DIS3L2: variants seen among roughly 807,000 people sequenced by gnomAD.
DIS3L2 encodes DIS3-like exonuclease 2.
A neutral mutation model predicts 97.5 loss-of-function variants in DIS3L2; 34 were observed. That is an observed-to-expected ratio of 0.35 (90% CI 0.27 to 0.46). DIS3L2 has a LOEUF of 0.46. Ranked by LOEUF, DIS3L2 falls within the 20% of genes least tolerant of loss-of-function variation. The pLI, the probability that DIS3L2 is intolerant of heterozygous loss-of-function variation, is 1.00. For synonymous variants in DIS3L2, 435 were observed against 445.2 expected, an observed-to-expected ratio of 0.98 and a Z score of 0.29; for missense variants, 1,038 against 1,146.0, an observed-to-expected ratio of 0.91 and a Z score of 1.36.
At chr2:232,171,071 A>G (rs115458603) in intron 9 of DIS3L2, among the ~76,000 whole-genome samples, 1,681 of 152,328 alleles carry the variant, frequency 0.011, 36 homozygotes, top group African/African-American at 0.037. Context: ...GCTGGAAGTT[A>G]GTCCTAGTTC....
chr2:232,153,787 G>T (rs1385366330), intron 8 of DIS3L2, among the ~76,000 whole-genome samples: 1 of 151,798 alleles, frequency 6.6e-6, no homozygotes, highest in Non-Finnish European at 1.5e-5. Flanking sequence ...ATAATATCCT[G>T]CAGAGTGTTT....
intron 10 of DIS3L2, among the ~76,000 whole-genome samples, chr2:232,230,099 G>T (rs1304123612): frequency 9.9e-5 from 15 of 152,114 alleles, no homozygotes; most frequent in African/African-American, 3.4e-4. Flanking sequence ...TGCTATACTG[G>T]TGGTCAGCTT....
At chr2:232,096,796 A>C (rs528193648) in intron 6 of DIS3L2, among the ~76,000 whole-genome samples, 1 of 152,146 alleles carries the variant, frequency 6.6e-6, no homozygotes, top group African/African-American at 2.4e-5. Flanking sequence ...TCTCTTTGGT[A>C]ATTTATCTGA....
intron 1 of DIS3L2, among the ~76,000 whole-genome samples, chr2:231,973,782 A>C (rs1363162369): frequency 6.6e-6 from 1 of 152,230 alleles, no homozygotes; most frequent in Non-Finnish European, 1.5e-5. Context: ...TCACTGCAGC[A>C]TAGAGTTTAG....
Position 232,269,584 on chromosome 2 carries a change from C to G in DIS3L2, c.1659+6144C>G, listed in dbSNP as rs1267711100. ...GTGCAGTGAGCTGTCTTGGAGAGGA[C>G]CAGCTCAGTCTCAGGGGTTCAGGGA... On this transcript the variant is annotated intron_variant, in intron 13 of 20. Coordinates refer to ENST00000325385, the MANE Select transcript of DIS3L2 (RefSeq NM_152383.5). The surrounding 1 kb of genome is among the most constrained non-coding windows in gnomAD (Gnocchi z 4.5). Among the ~76,000 whole-genome samples, 1 of 152,128 alleles carries G rather than the reference C, an allele frequency of 6.6e-6. No homozygotes were observed. Among genetic ancestry groups the G allele is most frequent in the Non-Finnish European group, 1.5e-5 (1 of 68,038 alleles).
At chr2:231,963,670 G>A (rs949254337) in intron 1 of DIS3L2, among the ~76,000 whole-genome samples, 8 of 152,128 alleles carry the variant, frequency 5.3e-5, no homozygotes, top group Admixed American at 2.0e-4. Flanking sequence ...GCCAAGGTCA[G>A]TGTCAAGAAG....
rs537384270 is a variant in DIS3L2 at position 232,099,009 on chromosome 2, A to C, written c.601+11288A>C. 1.2e-3 allele frequency among the ~76,000 whole-genome samples: 176 copies of C among 152,190 alleles called. 1 individual carries two copies. The highest frequency in any genetic ancestry group is 2.1e-3 in the Non-Finnish European group (146 of 68,018). On this transcript the variant is annotated intron_variant, in intron 6 of 20. Transcript: ENST00000325385. ...TCTTTATTAAGATTTTATTAAGGCA[A>C]ATCTTTTGTTAAGTTTTGCCTTTTG... is the stretch of plus-strand genomic sequence containing the variant.
chr2:231,963,134 A>C (rs575626739), intron 1 of DIS3L2, among the ~76,000 whole-genome samples: 22 of 152,158 alleles, frequency 1.4e-4, no homozygotes, highest in Non-Finnish European at 2.4e-4. Flanking sequence ...TGGCTCTTTA[A>C]GTTCTTTGAG....
intron 6 of DIS3L2, among the ~76,000 whole-genome samples, chr2:232,122,652 A>G (rs922573810): frequency 1.2e-4 from 19 of 152,336 alleles, no homozygotes; most frequent in African/African-American, 4.6e-4. Context: ...TGGGAGGCAG[A>G]ATTTGCAGTG....
At chr2:232,299,116 C>T (rs138277997) in intron 13 of DIS3L2, among the ~76,000 whole-genome samples, 5 of 152,328 alleles carry the variant, frequency 3.3e-5, no homozygotes, top group African/African-American at 1.2e-4. Context: ...CCTTTCTTTC[C>T]TTACCACTGC....
chr2:232,000,509 T>C (rs1693848053), intron 1 of DIS3L2, among the ~76,000 whole-genome samples: 1 of 152,056 alleles, frequency 6.6e-6, no homozygotes, highest in Admixed American at 6.6e-5. Flanking sequence ...GATCATGTGG[T>C]ATTTATTTGT....
At chr2:232,207,036 C>T (rs1692045254) in intron 9 of DIS3L2, among the ~76,000 whole-genome samples, 1 of 152,148 alleles carries the variant, frequency 6.6e-6, no homozygotes, top group South Asian at 2.1e-4. Flanking sequence ...CTCCAAGTAA[C>T]CTAGTAAACG....
At chr2:232,205,238 A>ATATAT (rs1691998820) in intron 9 of DIS3L2, among the ~76,000 whole-genome samples, 4 of 144,238 alleles carry the variant, frequency 2.8e-5, no homozygotes, top group African/African-American at 1.0e-4. Context: ...ATATATATAT[A>ATATAT]AAATGCAGTG....
At chr2:232,154,847 T>C (rs1369743715) in intron 8 of DIS3L2, among the ~76,000 whole-genome samples, 2 of 85,116 alleles carry the variant, frequency 2.3e-5, no homozygotes, top group South Asian at 4.3e-4. Flanking sequence ...GTGCTAGCAA[T>C]CAGCGAGATT....
intron 19 of DIS3L2, 144 bp downstream of exon 19, chr2:232,334,879 G>T: frequency 1.5e-6 from 1 of 673,892 alleles, no homozygotes; most frequent in African/African-American, 1.8e-5. Context: ...TTGCTGAGAC[G>T]CCCAGCTCTC....
chr2:232,209,409 T>G (rs1281038141), intron 9 of DIS3L2, among the ~76,000 whole-genome samples: 1 of 152,114 alleles, frequency 6.6e-6, no homozygotes, highest in Non-Finnish European at 1.5e-5. Context: ...CTTACCATGG[T>G]TAGTACAAGT....
chr2:232,276,856 C>T lies in DIS3L2; in HGVS notation c.1659+13416C>T, dbSNP rs1257508148. ...GGTTAGATGAGATGTACCCGTAAAA[C>T]ACTTGGAACAGTGCCTGACACATAG... On this transcript the variant is annotated intron_variant, in intron 13 of 20. Transcript: ENST00000325385. The surrounding 1 kb of genome is among the most constrained non-coding windows in gnomAD (Gnocchi z 4.4). 6.6e-6 allele frequency among the ~76,000 whole-genome samples: 1 copy of T among 152,190 alleles called. No individual in the cohort carries two copies. The highest frequency in any genetic ancestry group is 2.4e-5 in the African/African-American group (1 of 41,454).
chr2:232,043,515 TG>T (rs1177877010), intron 5 of DIS3L2, among the ~76,000 whole-genome samples: 1 of 152,254 alleles, frequency 6.6e-6, no homozygotes, highest in Non-Finnish European at 1.5e-5. Flanking sequence ...ACTAGCCATC[TG>T]AAAAGAGTAT....
chr2:232,053,713 C>T (rs1286627548), intron 5 of DIS3L2, among the ~76,000 whole-genome samples: 1 of 152,148 alleles, frequency 6.6e-6, no homozygotes, highest in African/African-American at 2.4e-5. Flanking sequence ...AGATGAATAG[C>T]CAGATGAAGA....
Sources: gnomAD v4.1 joint callset for allele counts (sites outside exome capture counted in the v4.1 genomes callset) on GRCh38, gnomAD v4.1.1 for gene constraint, Gnocchi (gnomAD v3.1) non-coding constraint, MANE v1.5 for transcripts, NCBI Gene and HGNC (gene_info 2026-07-23, HGNC 2026-07-21) for gene names.